The following ZNF366 variants were observed in gnomAD, a reference collection of about 807,000 sequenced individuals.
ZNF366 encodes the protein dendritic cell-specific transcript protein.
A neutral mutation model predicts 47.2 loss-of-function variants in ZNF366; 20 were observed. The ratio of observed to expected loss-of-function variants is 0.42; its 90% CI spans 0.30 to 0.62. The LOEUF is 0.62. Among genes scored for constraint, ZNF366 ranks in the 20% least tolerant of loss-of-function variants. The pLI, the probability that ZNF366 is intolerant of heterozygous loss-of-function variation, is 0.16. For synonymous variants in ZNF366, 421 were observed against 395.1 expected, an observed-to-expected ratio of 1.07 and a Z score of -0.78; for missense variants, 987 against 976.3, an observed-to-expected ratio of 1.01 and a Z score of -0.15.
intron 1 of ZNF366, among the ~76,000 whole-genome samples, chr5:72,498,906 A>G (rs945130441): frequency 1.3e-5 from 2 of 152,142 alleles, no homozygotes; most frequent in Admixed American, 1.3e-4. Context: ...CTGAAATGGG[A>G]TTTTCTCACC....
At chr5:72,475,204 C>A (rs1199597019) in intron 1 of ZNF366, among the ~76,000 whole-genome samples, 1 of 152,196 alleles carries the variant, frequency 6.6e-6, no homozygotes, top group Non-Finnish European at 1.5e-5. Flanking sequence ...GCCTGAAGAC[C>A]TTCCTGTAGG....
rs1385985943 is a variant in ZNF366 at position 72,443,667 on chromosome 5, C to T, written c.*89G>A. 5 of 1,378,580 alleles carry T rather than the reference C, an allele frequency of 3.6e-6. No homozygotes were observed. Among genetic ancestry groups the T allele is most frequent in the Non-Finnish European group, 4.9e-6 (5 of 1,016,396 alleles). The allele number at this position is 1,378,580 out of a possible 1,614,324, so 85.4% of individuals were successfully genotyped here. A position where few individuals can be genotyped will look rare whatever the true frequency, so the allele number is the denominator to read the frequency against. ...CATTTGTAGAGATTGGTACTATTCG[C>T]CAGTCTCCAGAAAATGACAGTTCAT... On this transcript the variant is annotated 3_prime_UTR_variant, in exon 5 of 5. Coordinates refer to ENST00000318442, the MANE Select transcript of ZNF366 (RefSeq NM_152625.3).
intron 1 of ZNF366, among the ~76,000 whole-genome samples, chr5:72,466,069 C>A (rs1314641257): frequency 6.6e-6 from 1 of 152,286 alleles, no homozygotes; most frequent in South Asian, 2.1e-4. Context: ...AACATCATGT[C>A]TGTTTTCTAA....
intron 1 of ZNF366, among the ~76,000 whole-genome samples, chr5:72,479,183 T>C (rs1318449909): frequency 6.6e-6 from 1 of 152,202 alleles, no homozygotes; most frequent in Non-Finnish European, 1.5e-5. Flanking sequence ...GAGATGGCTT[T>C]AGTGAGTCTG....
chr5:72,492,300 C>T (rs78470154), intron 1 of ZNF366, among the ~76,000 whole-genome samples: 1 of 152,160 alleles, frequency 6.6e-6, no homozygotes, highest in Admixed American at 6.5e-5. Context: ...TACTTTAGTG[C>T]CTGTAGCATC....
At chr5:72,505,176 C>T (rs886158919) in intron 1 of ZNF366, among the ~76,000 whole-genome samples, 2 of 152,324 alleles carry the variant, frequency 1.3e-5, no homozygotes, top group East Asian at 3.9e-4. Context: ...AATGATATCA[C>T]AAAAGAGCCT....
chr5:72,483,592 A>G (rs536133856), intron 1 of ZNF366, among the ~76,000 whole-genome samples: 13 of 152,326 alleles, frequency 8.5e-5, no homozygotes, highest in African/African-American at 3.1e-4. Context: ...TGTACAAACC[A>G]GTGATATATC....
At chr5:72,474,645 C>A (rs900872238) in intron 1 of ZNF366, among the ~76,000 whole-genome samples, 1 of 151,182 alleles carries the variant, frequency 6.6e-6, no homozygotes, top group African/African-American at 2.5e-5. Context: ...CTCAAATGTA[C>A]ACCCATGCAC....
At position 72,499,463 on chromosome 5, in the gene ZNF366, A is replaced by T. The variant is rs187280842; in HGVS notation, c.-15+7788T>A. Among the ~76,000 whole-genome samples, 1,078 of 145,434 alleles carry T rather than the reference A, an allele frequency of 7.4e-3. 18 individuals are homozygous for T. Among genetic ancestry groups the T allele is most frequent in the African/African-American group, 0.025 (978 of 38,846 alleles). On this transcript the variant is annotated intron_variant, in intron 1 of 4. Coordinates refer to ENST00000318442, the MANE Select transcript of ZNF366 (RefSeq NM_152625.3). ...TCACCCTAAGAATTCAAATTCTAGCACTTCAGGAATCCTGCCTTTTTTTTT... is the reference window on the plus strand; with the variant it reads ...TCACCCTAAGAATTCAAATTCTAGCTCTTCAGGAATCCTGCCTTTTTTTTT...
In ZNF366 at chr5:72,441,031, G is replaced by A. The variant is rs1343711618; in HGVS notation, c.*2725C>T. On this transcript the variant is annotated 3_prime_UTR_variant, in exon 5 of 5. Coordinates refer to ENST00000318442, the MANE Select transcript of ZNF366 (RefSeq NM_152625.3). ...AGCTGCTTGGAGTGAGGTGGGTGTG[G>A]GAGTTGAGAGCTTCTCCTCCCCTTA... 6.6e-6 allele frequency: 1 copy of A among 152,072 alleles called. No homozygotes were observed. Among genetic ancestry groups the A allele is most frequent in the Non-Finnish European group, 1.5e-5 (1 of 68,020 alleles). 9.4% of individuals were successfully genotyped at this position (152,072 alleles called of 1,614,324 possible). A position where few individuals can be genotyped will look rare whatever the true frequency, so the allele number is the denominator to read the frequency against.
intron 1 of ZNF366, among the ~76,000 whole-genome samples, chr5:72,481,843 T>A (rs989284137): frequency 7.9e-5 from 12 of 152,236 alleles, no homozygotes; most frequent in Non-Finnish European, 1.6e-4. Flanking sequence ...CCCATTAGTA[T>A]GTTTAGTTCC....
chr5:72,471,471 T>A (rs1743561874), intron 1 of ZNF366, among the ~76,000 whole-genome samples: 1 of 152,162 alleles, frequency 6.6e-6, no homozygotes, highest in South Asian at 2.1e-4. Flanking sequence ...TAGAAGGAAA[T>A]AGAAGAATCT....
chr5:72,499,388 A>G (rs1744166853), intron 1 of ZNF366, among the ~76,000 whole-genome samples: 1 of 151,620 alleles, frequency 6.6e-6, no homozygotes, highest in African/African-American at 2.4e-5. Context: ...GTAGGAGGTG[A>G]GATTCTGGAT....
Position 72,460,299 on chromosome 5 carries a change from T to G in ZNF366, c.1198A>C (p.Lys400Gln). 1.2e-6 allele frequency: 2 copies of G among 1,614,216 alleles called. No homozygotes were observed. The highest frequency in any genetic ancestry group is 8.5e-7 in the Non-Finnish European group (1 of 1,180,024). The change falls in exon 2 of 5, where the codon AAG (lysine) becomes CAG (glutamine). Residue 400 changes from lysine to glutamine, a missense_variant. Lys to Gln is a moderately conservative substitution (Grantham distance 53, BLOSUM62 1). Coordinates refer to ENST00000318442, the MANE Select transcript of ZNF366 (RefSeq NM_152625.3). ...AGCTGGCTCGGGTACTGGAAGGTCT[T>G]GTCGCACTCGGAGCAGTTGTACTGG... ...PIQYNCSECD[K>Q]TFQYPSQLQN...
intron 1 of ZNF366, among the ~76,000 whole-genome samples, chr5:72,490,771 A>G (rs1743992370): frequency 6.6e-6 from 1 of 152,226 alleles, no homozygotes; most frequent in Admixed American, 6.5e-5. Context: ...ATAACCAGAA[A>G]GATCCTCCCT....
intron 2 of ZNF366, among the ~76,000 whole-genome samples, chr5:72,457,751 T>G (rs1364402162): frequency 6.6e-6 from 1 of 152,154 alleles, no homozygotes; most frequent in African/African-American, 2.4e-5. Context: ...AGGCTTCTCA[T>G]CACAAGATGA....
At chr5:72,495,199 G>A (rs757035154) in intron 1 of ZNF366, among the ~76,000 whole-genome samples, 7 of 152,072 alleles carry the variant, frequency 4.6e-5, no homozygotes, top group Admixed American at 1.3e-4. Flanking sequence ...TAACTTACAC[G>A]CCTTTCTTTT....
In ZNF366 at chr5:72,461,076, T is replaced by C; in HGVS notation, c.421A>G (p.Ser141Gly). The change falls in exon 2 of 5, where the codon AGC becomes GGC. Residue 141 changes from serine to glycine, a missense_variant. Ser to Gly is a moderately conservative substitution (Grantham distance 56). Coordinates refer to ENST00000318442, the MANE Select transcript of ZNF366 (RefSeq NM_152625.3). Reference protein sequence around the residue: ...LCNVGFQFYRSLEHFGGKPVK... With the variant: ...LCNVGFQFYRGLEHFGGKPVK... Reference sequence around the variant, plus strand: ...GGCTTGCCCCCAAAGTGTTCCAGGCTGCGGTAGAATTGGAAGCCCACGTTG... The same window carrying C: ...GGCTTGCCCCCAAAGTGTTCCAGGCCGCGGTAGAATTGGAAGCCCACGTTG... 1 of 1,614,066 alleles carries C rather than the reference T, an allele frequency of 6.2e-7. No homozygotes were observed. Among genetic ancestry groups the C allele is most frequent in the Non-Finnish European group, 8.5e-7 (1 of 1,180,024 alleles).
chr5:72,449,323 G>T (rs1426118139), intron 3 of ZNF366, among the ~76,000 whole-genome samples: 4 of 148,922 alleles, frequency 2.7e-5, no homozygotes, highest in Non-Finnish European at 1.5e-5. Context: ...TTGGCTCACT[G>T]CAGCCTCCAC....
Sources: allele counts gnomAD v4.1 joint callset (sites outside exome capture counted in the v4.1 genomes callset), GRCh38; gene constraint gnomAD v4.1.1; transcripts MANE v1.5; gene names NCBI Gene and HGNC (gene_info 2026-07-23, HGNC 2026-07-21).